The following SMOC2 variants were observed in gnomAD, a reference collection of about 807,000 sequenced individuals.
SMOC2 encodes SPARC-related modular calcium-binding protein 2.
In SMOC2, 39 loss-of-function variants were observed where a neutral mutation model predicts 61.4. The observed-to-expected ratio is 0.64, with a 90% CI of 0.49 to 0.83. The LOEUF is 0.83. Among genes scored for constraint, SMOC2 ranks in the 40% least tolerant of loss-of-function variants. The pLI, the probability that SMOC2 is intolerant of heterozygous loss-of-function variation, is 0.00. For missense variants in SMOC2, 556 were observed against 592.9 expected (o/e 0.94, Z 0.65); for synonymous variants, 247 against 239.9 (o/e 1.03, Z -0.27).
intron 9 of SMOC2, among the ~76,000 whole-genome samples, chr6:168,643,595 G>A (rs1583182544): frequency 6.6e-6 from 1 of 152,328 alleles, no homozygotes; most frequent in East Asian, 1.9e-4. Context: ...GCCAGGACAG[G>A]CGTGGTGGTG....
At chr6:168,524,590 T>G (rs1046681388) in intron 2 of SMOC2, among the ~76,000 whole-genome samples, 38 of 152,220 alleles carry the variant, frequency 2.5e-4, no homozygotes, top group Admixed American at 5.9e-4. Flanking sequence ...CGTGGAGACC[T>G]CGCAAGCTGG....
intron 8 of SMOC2, among the ~76,000 whole-genome samples, chr6:168,607,005 G>A (rs896234300): frequency 6.6e-6 from 1 of 152,072 alleles, no homozygotes. Context: ...GAGGAAAGTT[G>A]GTGTGGGCTG....
chr6:168,472,381 A>G (rs1781983941), intron 1 of SMOC2, among the ~76,000 whole-genome samples: 2 of 152,096 alleles, frequency 1.3e-5, no homozygotes, highest in Admixed American at 6.5e-5. Flanking sequence ...TATTTCTGGC[A>G]CTTCTACTCT....
At chr6:168,599,312 CCCA>C (rs1785438657) in intron 8 of SMOC2, among the ~76,000 whole-genome samples, 1 of 143,552 alleles carries the variant, frequency 7.0e-6, no homozygotes, top group Non-Finnish European at 1.5e-5. Context: ...CACACACACC[CCCA>C]CACTGTTTCA....
chr6:168,659,663 A>C (rs78696423), intron 11 of SMOC2, among the ~76,000 whole-genome samples: 1 of 79,474 alleles, frequency 1.3e-5, no homozygotes, highest in Non-Finnish European at 2.7e-5. Context: ...TGGAGGTTGT[A>C]GGCTGGGTGA....
At chr6:168,502,903 A>G (rs1308456690) in intron 1 of SMOC2, among the ~76,000 whole-genome samples, 1 of 146,104 alleles carries the variant, frequency 6.8e-6, no homozygotes, top group Non-Finnish European at 1.5e-5. Context: ...AGTAGCTGGG[A>G]TTATAGGTGT....
chr6:168,501,839 G>A (rs1010378446), intron 1 of SMOC2, among the ~76,000 whole-genome samples: 15 of 152,172 alleles, frequency 9.9e-5, no homozygotes, highest in Non-Finnish European at 1.6e-4. Context: ...AGGTGGGAGC[G>A]TCTCCAGGCG....
At chr6:168,583,482 G>A (rs1376696823) in intron 7 of SMOC2, among the ~76,000 whole-genome samples, 1 of 152,256 alleles carries the variant, frequency 6.6e-6, no homozygotes, top group Non-Finnish European at 1.5e-5. Flanking sequence ...TGTGTATTGG[G>A]TGTTTGCTTC....
At chr6:168,664,702 GT>G in intron 12 of SMOC2, 2 of 471,018 alleles carry the variant, frequency 4.2e-6, no homozygotes, top group Non-Finnish European at 8.8e-6. Flanking sequence ...CATGTGTTGT[GT>G]TTCTGGCTCT....
chr6:168,575,545 G>A (rs117769694), intron 7 of SMOC2, among the ~76,000 whole-genome samples: 3,173 of 152,272 alleles, frequency 0.021, 54 homozygotes, highest in Non-Finnish European at 0.034. Context: ...AAGACGGGGA[G>A]CTCCTCGCAG....
At chr6:168,581,913 TCTC>T (rs904296427) in intron 7 of SMOC2, among the ~76,000 whole-genome samples, 6 of 152,242 alleles carry the variant, frequency 3.9e-5, no homozygotes, top group African/African-American at 2.4e-5. Context: ...AGCTCTGAAG[TCTC>T]CTCCGTGCAG....
intron 1 of SMOC2, among the ~76,000 whole-genome samples, chr6:168,449,439 C>G (rs1157176334): frequency 2.0e-5 from 3 of 151,992 alleles, no homozygotes; most frequent in African/African-American, 7.3e-5. Flanking sequence ...AAAGGAAATT[C>G]CATATGTGCT....
chr6:168,445,954 A>G (rs189152144), intron 1 of SMOC2, among the ~76,000 whole-genome samples: 2 of 152,380 alleles, frequency 1.3e-5, no homozygotes, highest in Non-Finnish European at 2.9e-5. Flanking sequence ...CAGTAATTCT[A>G]TATCAAAATA....
intron 5 of SMOC2, 162 bp from the exon 6 acceptor site, chr6:168,546,957 C>A: frequency 1.2e-6 from 1 of 804,504 alleles, no homozygotes; most frequent in Non-Finnish European, 2.2e-6. Flanking sequence ...GTCATTCCAG[C>A]CGCAGCTGCA....
chr6:168,656,507 T>TAAAAAAAAAAAAAAAAAAAA (rs5881805), intron 11 of SMOC2, among the ~76,000 whole-genome samples: 5 of 86,812 alleles, frequency 5.8e-5, no homozygotes, highest in Non-Finnish European at 1.1e-4. Flanking sequence ...GACTTTGTGT[T>TAAAAAAAAAAAAAAAAAAAA]AAAAAAAAAA....
At position 168,544,175 on chromosome 6, in the gene SMOC2, G is replaced by A. The variant is rs893000687; in HGVS notation, c.511+503G>A. Among the ~76,000 whole-genome samples the A allele has an allele frequency of 2.6e-5, 4 of 152,028 alleles. No homozygotes were observed. The highest frequency in any genetic ancestry group is 1.3e-4 in the Admixed American group (2 of 15,252). On this transcript the variant is annotated intron_variant, in intron 5 of 12. Transcript: ENST00000356284. The surrounding 1 kb of genome is among the most constrained non-coding windows in gnomAD (Gnocchi z 4.1). ...TGTCGCAGCCTGCAGGTCCTGTTTC[G>A]GGGTCTGCGGGGTCTGTCACATGCC... is the stretch of plus-strand genomic sequence containing the variant.
At chr6:168,552,593 G>T (rs972530020) in intron 7 of SMOC2, among the ~76,000 whole-genome samples, 1 of 152,196 alleles carries the variant, frequency 6.6e-6, no homozygotes, top group African/African-American at 2.4e-5. Flanking sequence ...AAATGCCCAT[G>T]TGCACACTAG....
intron 1 of SMOC2, among the ~76,000 whole-genome samples, chr6:168,464,101 G>T (rs531093431): frequency 6.8e-6 from 1 of 147,386 alleles, no homozygotes; most frequent in Admixed American, 7.0e-5. Context: ...TGAGGCACAA[G>T]AATCACTCGA....
chr6:168,522,315 A>G (rs929692446), intron 2 of SMOC2, among the ~76,000 whole-genome samples: 30 of 152,216 alleles, frequency 2.0e-4, no homozygotes, highest in African/African-American at 6.3e-4. Flanking sequence ...CAGGACTGCC[A>G]TGTGAACCAT....
Sources: gnomAD v4.1 joint callset for allele counts (sites outside exome capture counted in the v4.1 genomes callset) on GRCh38, gnomAD v4.1.1 for gene constraint, Gnocchi (gnomAD v3.1) non-coding constraint, MANE v1.5 for transcripts, NCBI Gene and HGNC (gene_info 2026-07-23, HGNC 2026-07-21) for gene names.